ANO4: variants seen among roughly 807,000 people sequenced by gnomAD.
ANO4 encodes the protein anoctamin 4.
In ANO4, 69 loss-of-function variants were observed where a neutral mutation model predicts 141.9. That is an observed-to-expected ratio of 0.49 (90% CI 0.40 to 0.59). The LOEUF is 0.59. Among genes scored for constraint, ANO4 ranks in the 20% least tolerant of loss-of-function variants. The pLI is 0.00. For missense variants in ANO4, 894 were observed against 1,162.2 expected (o/e 0.77, Z 3.36); for synonymous variants, 350 against 394.3 (o/e 0.89, Z 1.33).
intron 1 of ANO4, among the ~76,000 whole-genome samples, chr12:100,851,558 C>T (rs950582468): frequency 2.0e-5 from 3 of 152,090 alleles, no homozygotes; most frequent in Non-Finnish European, 4.4e-5. Context: ...TTTGTGAATT[C>T]TTTCTTTGCT....
At chr12:100,918,601 C>T (rs1256964859) in intron 2 of ANO4, among the ~76,000 whole-genome samples, 1 of 152,100 alleles carries the variant, frequency 6.6e-6, no homozygotes, top group Non-Finnish European at 1.5e-5. Context: ...AGTGATGTTG[C>T]AGGTGTTGTA....
At chr12:100,987,424 G>A (rs2044755297) in intron 7 of ANO4, 115 bp from the exon 8 acceptor site, 4 of 1,296,502 alleles carry the variant, frequency 3.1e-6, no homozygotes, top group Non-Finnish European at 4.3e-6. Context: ...TGAGTGCAGT[G>A]AGAGGGCCTG....
intron 5 of ANO4, among the ~76,000 whole-genome samples, chr12:100,957,773 A>G (rs2136225237): frequency 6.6e-6 from 1 of 152,290 alleles, no homozygotes; most frequent in South Asian, 2.1e-4. Flanking sequence ...TGTACTTTCC[A>G]GCCTGCAGAA....
intron 1 of ANO4, among the ~76,000 whole-genome samples, chr12:100,801,838 T>C (rs2034716312): frequency 6.6e-6 from 1 of 152,160 alleles, no homozygotes; most frequent in South Asian, 2.1e-4. Context: ...CTCTAAATGC[T>C]GTTTATTATT....
chr12:100,791,735 C>T (rs1330247866), upstream of ANO4, among the ~76,000 whole-genome samples: 2 of 152,166 alleles, frequency 1.3e-5, no homozygotes, highest in South Asian at 4.1e-4. Context: ...GAGGCTGTTC[C>T]AGTTGTTCCT....
intron 9 of ANO4, among the ~76,000 whole-genome samples, 182 bp from the exon 10 acceptor site, chr12:101,036,913 G>C (rs1384132617): frequency 6.6e-6 from 1 of 152,046 alleles, no homozygotes; most frequent in African/African-American, 2.4e-5. Context: ...TTTTTTTAGT[G>C]AATTTCCCAG....
intron 1 of ANO4, among the ~76,000 whole-genome samples, chr12:100,892,211 G>A (rs967970919): frequency 6.6e-6 from 1 of 152,122 alleles, no homozygotes. Flanking sequence ...GTCTAAAGTT[G>A]CAGTGACCAC....
intron 1 of ANO4, among the ~76,000 whole-genome samples, chr12:100,858,702 T>C (rs1459065576): frequency 6.6e-6 from 1 of 152,192 alleles, no homozygotes; most frequent in African/African-American, 2.4e-5. Flanking sequence ...TCTGTCTTTT[T>C]ACAGATATGA....
intron 1 of ANO4, among the ~76,000 whole-genome samples, chr12:100,721,315 A>G (rs928766126): frequency 6.6e-6 from 1 of 152,188 alleles, no homozygotes; most frequent in Non-Finnish European, 1.5e-5. Flanking sequence ...GACAGATGGC[A>G]GAGTCAGCTG....
intron 1 of ANO4, among the ~76,000 whole-genome samples, chr12:100,878,688 C>T (rs2039429599): frequency 6.6e-6 from 1 of 152,190 alleles, no homozygotes; most frequent in South Asian, 2.1e-4. Flanking sequence ...CTAGAATAAT[C>T]TCCCTAAGGC....
chr12:101,010,027 G>T (rs1318168718), intron 8 of ANO4, among the ~76,000 whole-genome samples: 4 of 151,974 alleles, frequency 2.6e-5, no homozygotes, highest in Non-Finnish European at 5.9e-5. Context: ...AAATATTATT[G>T]TTCTTGGGTT....
intron 3 of ANO4, among the ~76,000 whole-genome samples, chr12:100,936,459 G>A (rs969172703): frequency 2.6e-5 from 4 of 152,144 alleles, no homozygotes; most frequent in Non-Finnish European, 5.9e-5. Context: ...GGTCCCAGTT[G>A]AGAACCACGG....
At chr12:100,810,138 G>T (rs745982365) in intron 1 of ANO4, among the ~76,000 whole-genome samples, 1 of 152,034 alleles carries the variant, frequency 6.6e-6, no homozygotes, top group Admixed American at 6.6e-5. Context: ...GAAAGGGAAA[G>T]GGAACATGGT....
chr12:100,871,755 C>CT (rs1235363731), intron 1 of ANO4, among the ~76,000 whole-genome samples: 1 of 152,158 alleles, frequency 6.6e-6, no homozygotes, highest in Admixed American at 6.5e-5. Context: ...TCACATGGTG[C>CT]AAAGGATGAG....
chr12:100,925,341 C>T (rs1047056507), intron 3 of ANO4, among the ~76,000 whole-genome samples: 1 of 151,942 alleles, frequency 6.6e-6, no homozygotes, highest in African/African-American at 2.4e-5. Flanking sequence ...TGGAGTTCTG[C>T]GACTGGCCCC....
intron 5 of ANO4, among the ~76,000 whole-genome samples, chr12:100,959,121 C>G (rs1377128713): frequency 6.6e-6 from 1 of 151,970 alleles, no homozygotes; most frequent in African/African-American, 2.4e-5. Context: ...TCCACAGACA[C>G]ACACACACAG....
chr12:101,072,526 A>T (rs957406219), intron 14 of ANO4, among the ~76,000 whole-genome samples: 2 of 152,226 alleles, frequency 1.3e-5, no homozygotes, highest in African/African-American at 2.4e-5. Context: ...GGTCATAGGC[A>T]TGGGCAAAGA....
chr12:101,032,622 G>A (rs1050933488), intron 9 of ANO4, among the ~76,000 whole-genome samples: 3 of 151,648 alleles, frequency 2.0e-5, no homozygotes, highest in South Asian at 2.1e-4. Flanking sequence ...AATTTACAAG[G>A]AAAAAACAAA....
intron 3 of ANO4, among the ~76,000 whole-genome samples, chr12:100,771,984 A>G (rs968053517): frequency 5.9e-5 from 9 of 152,200 alleles, no homozygotes; most frequent in African/African-American, 1.7e-4. Context: ...AAAATCACAC[A>G]TAGGATTTTG....
Sources: gnomAD v4.1 joint callset for allele counts (sites outside exome capture counted in the v4.1 genomes callset) on GRCh38, gnomAD v4.1.1 for gene constraint, MANE v1.5 for transcripts, NCBI Gene and HGNC (gene_info 2026-07-23, HGNC 2026-07-21) for gene names.